Variants in WRN observed in about 807,000 individuals in gnomAD.
WRN encodes the protein bifunctional 3'-5' exonuclease/ATP-dependent helicase WRN.
In WRN, 149 loss-of-function variants were observed where a neutral mutation model predicts 180.7. The ratio of observed to expected loss-of-function variants is 0.82; its 90% confidence interval spans 0.72 to 0.94. WRN has a LOEUF of 0.94. Ranked by LOEUF, WRN falls within the 40% of genes least tolerant of loss-of-function variation. The probability of loss-of-function intolerance (pLI) is 0.00; values close to 1 mark genes in which losing one functional copy is unlikely to be tolerated. For synonymous variants in WRN, 548 were observed against 568.9 expected, an observed-to-expected ratio of 0.96 and a Z score of 0.52; for missense variants, 1,661 against 1,700.1, an observed-to-expected ratio of 0.98 and a Z score of 0.40.
At chr8:31,123,311 T>G (rs1445437638) in intron 21 of WRN, among the ~76,000 whole-genome samples, 3 of 152,038 alleles carry the variant, frequency 2.0e-5, no homozygotes, top group African/African-American at 7.2e-5. Context: ...ATTAAACTTT[T>G]TCATAGGTAT....
intron 16 of WRN, among the ~76,000 whole-genome samples, chr8:31,094,648 A>G (rs776577510): frequency 2.0e-5 from 3 of 152,072 alleles, no homozygotes; most frequent in African/African-American, 4.8e-5. Flanking sequence ...TGCCCGGCCT[A>G]TTATCTCTGT....
chr8:31,166,082 G>A (rs1221764417), intron 33 of WRN, among the ~76,000 whole-genome samples: 1 of 151,976 alleles, frequency 6.6e-6, no homozygotes, highest in Non-Finnish European at 1.5e-5. Flanking sequence ...GCAGTATTTT[G>A]AGGAGTCTTG....
intron 32 of WRN, among the ~76,000 whole-genome samples, chr8:31,155,310 A>G (rs555193222): frequency 1.3e-5 from 2 of 152,282 alleles, no homozygotes; most frequent in Admixed American, 1.3e-4. Flanking sequence ...TTTGAAAACA[A>G]TCTAATTGCT....
intron 21 of WRN, among the ~76,000 whole-genome samples, chr8:31,124,155 G>A (rs564131817): frequency 1.3e-5 from 2 of 152,138 alleles, no homozygotes; most frequent in African/African-American, 4.8e-5. Flanking sequence ...CTGGGAAAAG[G>A]TAAAAATTAA....
In WRN at chr8:31,119,974, C is replaced by T. The variant is rs4733069; in HGVS notation, c.2449-269C>T. ...TTAACACAATAAATATTTTGAACCC[C>T]TTTTGTGTCTTGTATTCATAGGAGT... On this transcript the variant is annotated intron_variant, in intron 20 of 34. Transcript: ENST00000298139. 0.35 allele frequency: 139,909 copies of T among 395,578 alleles called. 25,247 individuals are homozygous for T. Among genetic ancestry groups the T allele is most frequent in the South Asian group, 0.41 (14,922 of 36,202 alleles). 24.5% of individuals were successfully genotyped at this position (395,578 alleles called of 1,614,324 possible).
chr8:31,134,800 ACTAT>A (rs1382831267), intron 24 of WRN, among the ~76,000 whole-genome samples: 1 of 152,202 alleles, frequency 6.6e-6, no homozygotes, highest in Non-Finnish European at 1.5e-5. Flanking sequence ...TAATTTTCAA[ACTAT>A]CTAACGGGAG....
chr8:31,085,203 A>G lies in WRN; in HGVS notation c.1388A>G (p.Tyr463Cys), dbSNP rs1339450958. The change falls in exon 11 of 35, where the codon TAT becomes TGT. Residue 463 changes from tyrosine (Y) to cysteine (C), a missense_variant. By Grantham distance (194) the Tyr-to-Cys change is radical. Coordinates refer to ENST00000298139, the MANE Select transcript of WRN (RefSeq NM_000553.6). ...SPNDNENDTSYVIESDEDLEM... is the reference protein window; with the variant it reads ...SPNDNENDTSCVIESDEDLEM... The stretch of plus-strand genomic sequence containing the variant: ...AATGATAATGAAAACGATACGTCCT[A>G]TGTAATTGAGAGTGATGAAGATTTA... 5.0e-6 allele frequency: 8 copies of G among 1,612,852 alleles called. No homozygotes were observed. In the Admixed American group the frequency reaches 6.7e-5, roughly 13 times the overall value.
chr8:31,157,194 C>T (rs1315877802), intron 32 of WRN, among the ~76,000 whole-genome samples, 174 bp from the exon 33 acceptor site: 4 of 152,092 alleles, frequency 2.6e-5, no homozygotes, highest in Non-Finnish European at 1.5e-5. Context: ...CTATAGAGAG[C>T]TATAATGGGG....
chr8:31,139,798 A>G (rs1802536894), intron 24 of WRN, among the ~76,000 whole-genome samples: 1 of 152,120 alleles, frequency 6.6e-6, no homozygotes, highest in Non-Finnish European at 1.5e-5. Context: ...TCCTGCTTAT[A>G]CCTGTCATGC....
intron 18 of WRN, among the ~76,000 whole-genome samples, chr8:31,102,362 T>C (rs977979470): frequency 6.6e-6 from 1 of 152,242 alleles, no homozygotes; most frequent in Non-Finnish European, 1.5e-5. Flanking sequence ...ATCCAAGTTG[T>C]TTGTGGTCAT....
Position 31,171,092 on chromosome 8 carries a change from C to T in WRN, c.4192-1903C>T, listed in dbSNP as rs146619340. On this transcript the variant is annotated intron_variant, in intron 34 of 34. Transcript: ENST00000298139. ...TGAAGACGTTGAAGCTTAAGTAACACGCATAATAAGGTCATACATTTAGCA... is the reference window on the plus strand; with the variant it reads ...TGAAGACGTTGAAGCTTAAGTAACATGCATAATAAGGTCATACATTTAGCA... 3.9e-3 allele frequency: 593 copies of T among 152,182 alleles called. 7 individuals carry two copies. Among genetic ancestry groups the T allele is most frequent in the African/African-American group, 0.014 (570 of 41,540 alleles). 9.4% of individuals were successfully genotyped at this position (152,182 alleles called of 1,614,324 possible). A position where few individuals can be genotyped will look rare whatever the true frequency, so the allele number is the denominator to read the frequency against.
chr8:31,140,591 C>G (rs1802582137), intron 24 of WRN, among the ~76,000 whole-genome samples: 1 of 152,074 alleles, frequency 6.6e-6, no homozygotes, highest in South Asian at 2.1e-4. Flanking sequence ...ACCTGCTTTT[C>G]CTGGTATATC....
chr8:31,094,483 C>A (rs1431458506), intron 16 of WRN, among the ~76,000 whole-genome samples: 3 of 151,804 alleles, frequency 2.0e-5, no homozygotes, highest in Non-Finnish European at 2.9e-5. Flanking sequence ...GTAGCTGGGA[C>A]TGTAGGCATA....
At chr8:31,040,674 A>G (rs1274897623) in intron 1 of WRN, among the ~76,000 whole-genome samples, 1 of 152,308 alleles carries the variant, frequency 6.6e-6, no homozygotes, top group East Asian at 1.9e-4. Context: ...AAACCTTGAC[A>G]TGAGCCCTTT....
At chr8:31,085,080 T>C (rs906610355) in intron 10 of WRN, 86 bp from the exon 11 acceptor site, 42 of 1,238,398 alleles carry the variant, frequency 3.4e-5, no homozygotes, top group Non-Finnish European at 4.8e-5. Context: ...TCTAAAGATA[T>C]CTAGTATATA....
At chr8:31,139,999 C>CTTTTTTTTTTTTTT (rs1563375284) in intron 24 of WRN, among the ~76,000 whole-genome samples, 1 of 74,704 alleles carries the variant, frequency 1.3e-5, no homozygotes, top group African/African-American at 5.3e-5. Context: ...TTGTATACTT[C>CTTTTTTTTTTTTTT]TTTGTTTTTT....
At chr8:31,113,635 T>A (rs1003765449) in intron 19 of WRN, among the ~76,000 whole-genome samples, 1 of 152,218 alleles carries the variant, frequency 6.6e-6, no homozygotes, top group Non-Finnish European at 1.5e-5. Flanking sequence ...TCTATGGCAC[T>A]TTCCCTTATA....
At chr8:31,086,075 C>T (rs1408267892) in intron 11 of WRN, among the ~76,000 whole-genome samples, 1 of 151,884 alleles carries the variant, frequency 6.6e-6, no homozygotes, top group Non-Finnish European at 1.5e-5. Context: ...ATTTCTTTGT[C>T]AGGTGTTACT....
At chr8:31,109,550 G>C (rs1339482698) in intron 18 of WRN, among the ~76,000 whole-genome samples, 1 of 152,044 alleles carries the variant, frequency 6.6e-6, no homozygotes, top group African/African-American at 2.4e-5. Flanking sequence ...GCAAATCTGG[G>C]AGTAGTACTC....
Sources: allele counts gnomAD v4.1 joint callset (sites outside exome capture counted in the v4.1 genomes callset), GRCh38; gene constraint gnomAD v4.1.1; transcripts MANE v1.5; gene names NCBI Gene and HGNC (gene_info 2026-07-23, HGNC 2026-07-21).